Variants in SPATS2 observed in about 807,000 individuals in gnomAD.
SPATS2 encodes the protein spermatogenesis associated serine rich 2.
In SPATS2, 38 loss-of-function variants were observed where a neutral mutation model predicts 63.7. The ratio of observed to expected loss-of-function variants is 0.60; its 90% confidence interval spans 0.46 to 0.78. The LOEUF is 0.78. Ranked by LOEUF, SPATS2 falls within the 30% of genes least tolerant of loss-of-function variation. The pLI is 0.00. For synonymous variants in SPATS2, 207 were observed against 232.9 expected, an observed-to-expected ratio of 0.89 and a Z score of 1.01; for missense variants, 588 against 666.2, an observed-to-expected ratio of 0.88 and a Z score of 1.29.
intron 2 of SPATS2, among the ~76,000 whole-genome samples, chr12:49,435,861 C>T (rs1452789935): frequency 6.7e-6 from 1 of 150,288 alleles, no homozygotes; most frequent in Non-Finnish European, 1.5e-5. Context: ...AGCATGCTGC[C>T]TTCAAGCATT....
chr12:49,498,934 G>A (rs541818888), intron 8 of SPATS2, among the ~76,000 whole-genome samples: 9 of 151,852 alleles, frequency 5.9e-5, no homozygotes, highest in South Asian at 4.2e-4. Context: ...TTACAGGTGC[G>A]TGCCACCACA....
At position 49,527,411 on chromosome 12, in the gene SPATS2, G is replaced by A. The variant is rs564662598; in HGVS notation, c.*1156G>A. The A allele has an allele frequency of 1.3e-5, 2 of 151,862 alleles. No individual in the cohort carries two copies. The highest frequency in any genetic ancestry group is 4.8e-5 in the African/African-American group (2 of 41,284). The allele number at this position is 151,862 out of a possible 1,614,324, so 9.4% of individuals were successfully genotyped here. ...TACAGTTGAATAAATAAAAACAACT[G>A]CATAAATATGCCCACTTTTGTTTCA... On this transcript the variant is annotated 3_prime_UTR_variant, in exon 14 of 14. Coordinates refer to ENST00000552918, the MANE Select transcript of SPATS2 (RefSeq NM_023071.4).
chr12:49,497,062 A>G (rs1946475396), intron 8 of SPATS2, 53 bp downstream of exon 8: 2 of 1,475,574 alleles, frequency 1.4e-6, no homozygotes, highest in African/African-American at 2.9e-5. Flanking sequence ...GTTTTTGGCT[A>G]AAGAGGGCAA....
intron 3 of SPATS2, among the ~76,000 whole-genome samples, chr12:49,475,531 C>G (rs1475685294): frequency 6.6e-6 from 1 of 152,154 alleles, no homozygotes; most frequent in Non-Finnish European, 1.5e-5. Flanking sequence ...AGCTCCGCCT[C>G]CCTGGTTCAA....
At chr12:49,402,711 C>G (rs1348166832) in intron 2 of SPATS2, among the ~76,000 whole-genome samples, 1 of 152,008 alleles carries the variant, frequency 6.6e-6, no homozygotes, top group Non-Finnish European at 1.5e-5. Flanking sequence ...CTAGGCATAT[C>G]AGATGAATGT....
Position 49,385,839 on chromosome 12 carries a change from TTTTGTTTG to T in SPATS2, c.-244+14573_-244+14580del, listed in dbSNP as rs576472782. Reference sequence around the variant, plus strand: ...ACAATTTTGTGGGGTTTTTTTTGTTTTTTGTTTGTTTGTTTGTTTGTTTGTTTGTTTTT... The same window carrying T: ...ACAATTTTGTGGGGTTTTTTTTGTTTTTTGTTTGTTTGTTTGTTTGTTTTT... On this transcript the variant is annotated intron_variant, in intron 2 of 13. Coordinates refer to ENST00000552918, the MANE Select transcript of SPATS2 (RefSeq NM_023071.4). Among the ~76,000 whole-genome samples, 417 of 147,486 alleles carry T rather than the reference TTTTGTTTG, an allele frequency of 2.8e-3. 1 individual carries two copies. Among genetic ancestry groups the T allele is most frequent in the Admixed American group, 6.3e-3 (94 of 14,948 alleles).
At position 49,498,303 on chromosome 12, in the gene SPATS2, C is replaced by T. The variant is rs1946503693; in HGVS notation, c.703+1294C>T. On this transcript the variant is annotated intron_variant, in intron 8 of 13. Coordinates refer to ENST00000552918, the MANE Select transcript of SPATS2 (RefSeq NM_023071.4). The stretch of plus-strand genomic sequence containing the variant: ...AAACTTTTTAGATCCATGTTTCCAG[C>T]AATCAATTATATATGTAATTTGGGG... Among the ~76,000 whole-genome samples, 3 of 151,670 alleles carry T rather than the reference C, an allele frequency of 2.0e-5. No individual in the cohort carries two copies. In the South Asian group the frequency reaches 6.2e-4, roughly 31 times the overall value.
intron 9 of SPATS2, among the ~76,000 whole-genome samples, chr12:49,503,349 C>CA (rs763646473): frequency 3.4e-5 from 5 of 146,030 alleles, no homozygotes; most frequent in Admixed American, 6.9e-5. Flanking sequence ...GACTCCATCT[C>CA]AAAAAACAAA....
intron 2 of SPATS2, among the ~76,000 whole-genome samples, chr12:49,409,592 A>ATTTT (rs753378038): frequency 5.4e-5 from 4 of 73,560 alleles, no homozygotes; most frequent in Admixed American, 3.6e-4. Context: ...GTGCCCAGCA[A>ATTTT]TTTTTTTTTT....
chr12:49,433,561 G>A (rs895948915), intron 2 of SPATS2, among the ~76,000 whole-genome samples: 10 of 152,156 alleles, frequency 6.6e-5, no homozygotes, highest in African/African-American at 2.2e-4. Context: ...ATCTTTTCAC[G>A]TGTTTGGTGA....
intron 2 of SPATS2, among the ~76,000 whole-genome samples, chr12:49,399,892 C>T (rs1004708380): frequency 6.6e-6 from 1 of 152,100 alleles, no homozygotes; most frequent in Admixed American, 6.6e-5. Context: ...AAAAAATTAG[C>T]CAGGCGTGGT....
chr12:49,483,452 T>C (rs1171604027), intron 3 of SPATS2, among the ~76,000 whole-genome samples: 1 of 152,186 alleles, frequency 6.6e-6, no homozygotes, highest in East Asian at 1.9e-4. Context: ...GAGTTAACCA[T>C]ATTATATAGT....
At chr12:49,522,262 G>C (rs1946954152) in intron 11 of SPATS2, among the ~76,000 whole-genome samples, 1 of 152,170 alleles carries the variant, frequency 6.6e-6, no homozygotes, top group South Asian at 2.1e-4. Context: ...TCCATCTCAA[G>C]AAATTGTTCC....
chr12:49,387,744 G>A (rs1944344579), intron 2 of SPATS2, among the ~76,000 whole-genome samples: 2 of 151,862 alleles, frequency 1.3e-5, no homozygotes, highest in African/African-American at 4.8e-5. Context: ...AACCTGAAGA[G>A]ATTAGGCCTG....
intron 12 of SPATS2, among the ~76,000 whole-genome samples, chr12:49,523,277 C>G (rs1946972444): frequency 6.6e-6 from 1 of 151,822 alleles, no homozygotes; most frequent in Non-Finnish European, 1.5e-5. Context: ...GAGTTCAAGA[C>G]CAGCCTGGGC....
At chr12:49,367,239 A>C, upstream of SPATS2, 1 of 257,074 alleles carries the variant, frequency 3.9e-6, no homozygotes, top group Non-Finnish European at 7.4e-6. Context: ...GGCGCGCCGG[A>C]TTCGCGCCGG....
chr12:49,389,523 G>T (rs771009188), intron 2 of SPATS2: 23 of 919,890 alleles, frequency 2.5e-5, no homozygotes, highest in Non-Finnish European at 4.0e-5. Context: ...GAAATGAGTT[G>T]CACAATTGAG....
intron 9 of SPATS2, among the ~76,000 whole-genome samples, chr12:49,514,244 T>A (rs923640515): frequency 3.3e-5 from 5 of 150,070 alleles, no homozygotes; most frequent in African/African-American, 1.3e-4. Context: ...TACTAAAAAA[T>A]GTGTTTTGTA....
intron 2 of SPATS2, among the ~76,000 whole-genome samples, chr12:49,381,866 A>C (rs149480852): frequency 6.6e-6 from 1 of 152,326 alleles, no homozygotes; most frequent in African/African-American, 2.4e-5. Context: ...GAACTGATGA[A>C]TATATTCTAC....
Sources: allele counts gnomAD v4.1 joint callset (sites outside exome capture counted in the v4.1 genomes callset), GRCh38; gene constraint gnomAD v4.1.1; transcripts MANE v1.5; gene names NCBI Gene and HGNC (gene_info 2026-07-23, HGNC 2026-07-21).